The following WDPCP variants were observed in gnomAD, a reference collection of about 807,000 sequenced individuals.
The protein encoded by WDPCP is WD repeat-containing and planar cell polarity effector protein fritz homolog.
In WDPCP, 71 loss-of-function variants were observed where a neutral mutation model predicts 93.1. The ratio of observed to expected loss-of-function variants is 0.76; its 90% CI spans 0.63 to 0.93. The LOEUF is 0.93. WDPCP is among the 40% of genes least tolerant of loss of function. WDPCP has a pLI of 0.00. For synonymous variants in WDPCP, 315 were observed against 315.0 expected (o/e 1.00, Z 0.00); for missense variants, 844 against 887.4 (o/e 0.95, Z 0.62).
At chr2:63,493,203 G>T (rs1036541697) in intron 1 of WDPCP, among the ~76,000 whole-genome samples, 7 of 151,988 alleles carry the variant, frequency 4.6e-5, no homozygotes, top group African/African-American at 1.7e-4. Context: ...ATAGTATTTG[G>T]GTTTTCAATA....
intron 1 of WDPCP, among the ~76,000 whole-genome samples, chr2:63,529,292 A>G (rs536685980): frequency 1.4e-4 from 21 of 152,090 alleles, no homozygotes; most frequent in Admixed American, 6.5e-4. Flanking sequence ...TGTCTTGTGC[A>G]AGTTTTCAAA....
chr2:63,320,658 C>T (rs1687011646), intron 12 of WDPCP, among the ~76,000 whole-genome samples: 1 of 151,688 alleles, frequency 6.6e-6, no homozygotes, highest in South Asian at 2.1e-4. Context: ...TAAATGTAAC[C>T]CTTACAGCAC....
chr2:63,166,716 G>T (rs558524239), intron 15 of WDPCP, among the ~76,000 whole-genome samples: 1 of 152,100 alleles, frequency 6.6e-6, no homozygotes, highest in African/African-American at 2.4e-5. Context: ...TTTGATATAG[G>T]TAAACAATGT....
At chr2:63,206,313 CTG>C (rs1394321221) in intron 14 of WDPCP, among the ~76,000 whole-genome samples, 2 of 152,122 alleles carry the variant, frequency 1.3e-5, no homozygotes, top group Non-Finnish European at 2.9e-5. Flanking sequence ...TAGAGGAGTA[CTG>C]TCTGTTGGTT....
intron 12 of WDPCP, among the ~76,000 whole-genome samples, chr2:63,365,445 G>A (rs1195615254): frequency 6.6e-6 from 1 of 152,116 alleles, no homozygotes; most frequent in African/African-American, 2.4e-5. Flanking sequence ...AGTATGCATG[G>A]TAGGTGTTCT....
chr2:63,634,646 A>G (rs1290879838), intron 3 of WDPCP, among the ~76,000 whole-genome samples: 2 of 152,226 alleles, frequency 1.3e-5, no homozygotes, highest in African/African-American at 4.8e-5. Context: ...AACAAATTTA[A>G]GAAGCCGAAA....
At chr2:63,524,949 G>A (rs959557789) in intron 1 of WDPCP, among the ~76,000 whole-genome samples, 16 of 152,106 alleles carry the variant, frequency 1.1e-4, no homozygotes, top group African/African-American at 3.9e-4. Flanking sequence ...GCATGCTTAT[G>A]TTCATCACAG....
At chr2:63,722,026 C>T (rs1438771801) in intron 2 of WDPCP, among the ~76,000 whole-genome samples, 30 of 152,200 alleles carry the variant, frequency 2.0e-4, no homozygotes, top group Non-Finnish European at 3.7e-4. Flanking sequence ...CTCGTTCACT[C>T]AGTGCTCAAT....
intron 10 of WDPCP, among the ~76,000 whole-genome samples, chr2:63,388,687 T>C (rs537462855): frequency 1.3e-5 from 2 of 151,918 alleles, no homozygotes; most frequent in African/African-American, 4.8e-5. Context: ...GAATAAACAG[T>C]GTAGAGAAGA....
At chr2:63,723,958 G>C (rs751476669) in intron 2 of WDPCP, among the ~76,000 whole-genome samples, 2 of 152,218 alleles carry the variant, frequency 1.3e-5, no homozygotes, top group Non-Finnish European at 2.9e-5. Context: ...GGGCCTGGAA[G>C]AACTGCTTTC....
chr2:63,764,193 C>A (rs1670103297), intron 2 of WDPCP, among the ~76,000 whole-genome samples: 1 of 152,122 alleles, frequency 6.6e-6, no homozygotes, highest in African/African-American at 2.4e-5. Flanking sequence ...TAAGCAGTCA[C>A]CCTGAGAATT....
At position 63,541,481 on chromosome 2, in the gene WDPCP, C is replaced by T. The variant is rs78048061; in HGVS notation, c.75+46716G>A. ...ATATTTCAGATTACTCTCATAAATA[C>T]TGGTTTTTCCACCATAACATCCTTT... On this transcript the variant is annotated intron_variant, in intron 1 of 17. Coordinates refer to ENST00000272321, the MANE Select transcript of WDPCP (RefSeq NM_015910.7). Among the ~76,000 whole-genome samples, 551 of 152,250 alleles carry T rather than the reference C, an allele frequency of 3.6e-3. 4 individuals are homozygous for T. Among genetic ancestry groups the T allele is most frequent in the African/African-American group, 0.012 (514 of 41,550 alleles).
In WDPCP at chr2:63,588,376, C is replaced by T; in HGVS notation, c.-105G>A. The T allele has an allele frequency of 7.5e-7, 1 of 1,336,012 alleles. No homozygotes were observed. The highest frequency in any genetic ancestry group is 1.1e-6 in the Non-Finnish European group (1 of 950,824). 82.8% of individuals were successfully genotyped at this position (1,336,012 alleles called of 1,614,324 possible). On this transcript the variant is annotated 5_prime_UTR_variant, in exon 1 of 18. Coordinates refer to ENST00000272321, the MANE Select transcript of WDPCP (RefSeq NM_015910.7). ...TTGGGTCTCCAGGACGCCGCCGCCG[C>T]CGCCACAGTTTCCTCAGGTGCTACA...
intron 1 of WDPCP, among the ~76,000 whole-genome samples, chr2:63,575,401 A>ATATACAGTATATACACTGTATACACTG (rs1362257239): frequency 2.3e-4 from 5 of 21,470 alleles, no homozygotes; most frequent in Admixed American, 7.2e-4. Flanking sequence ...TATATACAGT[A>ATATACAGTATATACACTGTATACACTG]TATATACAGT....
At chr2:63,426,335 C>G (rs1268312660) in intron 9 of WDPCP, among the ~76,000 whole-genome samples, 1 of 151,830 alleles carries the variant, frequency 6.6e-6, no homozygotes, top group Non-Finnish European at 1.5e-5. Context: ...GAGTGAGACT[C>G]TGTCTCAAAA....
chr2:63,719,141 A>G (rs890020705), intron 2 of WDPCP, among the ~76,000 whole-genome samples: 5 of 152,218 alleles, frequency 3.3e-5, no homozygotes, highest in Admixed American at 3.3e-4. Context: ...AAGAGGGACT[A>G]TGAGGGACCA....
intron 9 of WDPCP, among the ~76,000 whole-genome samples, chr2:63,409,971 T>G (rs1694908150): frequency 6.6e-6 from 1 of 152,144 alleles, no homozygotes; most frequent in Non-Finnish European, 1.5e-5. Flanking sequence ...GGGAGAATAA[T>G]CAAGGAAAAC....
intron 2 of WDPCP, among the ~76,000 whole-genome samples, chr2:63,761,164 C>T (rs1243723144): frequency 6.6e-6 from 1 of 152,150 alleles, no homozygotes; most frequent in Non-Finnish European, 1.5e-5. Flanking sequence ...AGGGCTCTGC[C>T]TTCATAAATG....
intron 15 of WDPCP, among the ~76,000 whole-genome samples, chr2:63,165,671 T>C (rs1218993300): frequency 1.3e-5 from 2 of 150,910 alleles, no homozygotes; most frequent in African/African-American, 2.4e-5. Flanking sequence ...GTGGACACTT[T>C]TGGCAATCTG....
Sources: allele counts gnomAD v4.1 joint callset (sites outside exome capture counted in the v4.1 genomes callset), GRCh38; gene constraint gnomAD v4.1.1; transcripts MANE v1.5; gene names NCBI Gene and HGNC (gene_info 2026-07-23, HGNC 2026-07-21).